MYO10: variants seen among roughly 807,000 people sequenced by gnomAD.
MYO10 encodes the protein myosin X.
In MYO10, 133 loss-of-function variants were observed where a neutral mutation model predicts 257.3. The ratio of observed to expected loss-of-function variants is 0.52; its 90% confidence interval spans 0.45 to 0.60. The LOEUF is 0.60. Among genes scored for constraint, MYO10 ranks in the 20% least tolerant of loss-of-function variants. MYO10 has a pLI of 0.00. For synonymous variants in MYO10, 1,104 were observed against 1,028.6 expected (o/e 1.07, Z -1.40); for missense variants, 2,399 against 2,635.7 (o/e 0.91, Z 1.97).
At chr5:16,927,663 A>T (rs578129748) in intron 1 of MYO10, among the ~76,000 whole-genome samples, 2 of 152,250 alleles carry the variant, frequency 1.3e-5, no homozygotes, top group African/African-American at 4.8e-5. Context: ...TACGGAGGCA[A>T]TTTTAATCCT....
chr5:16,707,877 G>C (rs938075693), intron 21 of MYO10, among the ~76,000 whole-genome samples: 3 of 152,224 alleles, frequency 2.0e-5, no homozygotes, highest in Non-Finnish European at 4.4e-5. Context: ...AAGTCAGCCA[G>C]TTCAGACCTG....
At chr5:16,683,833 C>A (rs751895638) in intron 30 of MYO10, 47 bp downstream of exon 30, 25 of 1,571,134 alleles carry the variant, frequency 1.6e-5, no homozygotes, top group Non-Finnish European at 1.8e-5. Flanking sequence ...CCTGTGGACA[C>A]ACACAGGTGA....
At chr5:16,863,663 C>T (rs1328153503) in intron 2 of MYO10, among the ~76,000 whole-genome samples, 1 of 152,224 alleles carries the variant, frequency 6.6e-6, no homozygotes, top group Non-Finnish European at 1.5e-5. Context: ...ACTCAACACT[C>T]ACCCCGAGAG....
Position 16,662,223 on chromosome 5 carries a change from C to A in MYO10, c.*4469G>T, listed in dbSNP as rs1017675220. On this transcript the variant is annotated 3_prime_UTR_variant, in exon 41 of 41. Transcript: ENST00000513610. Reference sequence around the variant, plus strand: ...ATACCCAATACACACAAATACAGAACTTTACTATAGCAGATTTTTGACCCC... The same window carrying A: ...ATACCCAATACACACAAATACAGAAATTTACTATAGCAGATTTTTGACCCC... 2.0e-5 allele frequency: 3 copies of A among 150,730 alleles called. No homozygotes were observed. Among genetic ancestry groups the A allele is most frequent in the Admixed American group, 2.0e-4 (3 of 15,092 alleles). 9.3% of individuals were successfully genotyped at this position (150,730 alleles called of 1,614,324 possible). A position where few individuals can be genotyped will look rare whatever the true frequency, so the allele number is the denominator to read the frequency against.
At chr5:16,867,425 C>T (rs1744310553) in intron 2 of MYO10, among the ~76,000 whole-genome samples, 1 of 151,974 alleles carries the variant, frequency 6.6e-6, no homozygotes, top group Non-Finnish European at 1.5e-5. Flanking sequence ...AGGTCGCCTA[C>T]ATCCACAAGG....
chr5:16,831,236 T>A (rs1221584201), intron 2 of MYO10, among the ~76,000 whole-genome samples: 2 of 152,300 alleles, frequency 1.3e-5, no homozygotes, highest in East Asian at 3.9e-4. Flanking sequence ...TTGTCATGGA[T>A]GCGGTGAACA....
chr5:16,855,536 G>T (rs1360923178), intron 2 of MYO10, among the ~76,000 whole-genome samples: 1 of 152,218 alleles, frequency 6.6e-6, no homozygotes, highest in Non-Finnish European at 1.5e-5. Flanking sequence ...TGAAATAGCT[G>T]CAAATTTTAA....
In MYO10 at chr5:16,781,810, C is replaced by T. The variant is rs1741433601; in HGVS notation, c.622G>A (p.Gly208Ser). 1.2e-6 allele frequency: 2 copies of T among 1,613,910 alleles called. No homozygotes were observed. The highest frequency in any genetic ancestry group is 1.6e-4 in the Middle Eastern group (1 of 6,062). Residue 208 changes from glycine to serine, a missense_variant, in exon 6 of 41, where the codon GGC becomes AGC. Physicochemically the swap from Gly to Ser is moderately conservative, Grantham distance 56. Around this residue, in one of 3 missense-constraint regions of MYO10, gnomAD observed 337 missense variants for 446.8 expected, o/e 0.75. Transcript: ENST00000513610. ...LESSPIMEAF[G>S]NAKTVYNNNS... The stretch of plus-strand genomic sequence containing the variant: ...TTGTTGTACACGGTCTTCGCATTGC[C>T]GAAAGCTTCCATGATGGGGCTGTGA...
intron 12 of MYO10, among the ~76,000 whole-genome samples, 193 bp downstream of exon 12, chr5:16,764,057 A>C (rs1740797354): frequency 6.6e-6 from 1 of 151,948 alleles, no homozygotes; most frequent in South Asian, 2.1e-4. Context: ...CTGAGGTGGG[A>C]GAATCACTTG....
At chr5:16,864,312 T>C (rs1404507955) in intron 2 of MYO10, among the ~76,000 whole-genome samples, 2 of 152,132 alleles carry the variant, frequency 1.3e-5, no homozygotes, top group African/African-American at 4.8e-5. Context: ...CAGTGTTCAT[T>C]ATAAGGGGCC....
intron 2 of MYO10, among the ~76,000 whole-genome samples, chr5:16,834,439 T>C (rs1643286942): frequency 6.6e-6 from 1 of 152,068 alleles, no homozygotes; most frequent in Non-Finnish European, 1.5e-5. Context: ...GAGGACCCCC[T>C]CTCACCACCC....
chr5:16,796,033 CA>C (rs1360805169), intron 3 of MYO10, among the ~76,000 whole-genome samples: 2 of 151,340 alleles, frequency 1.3e-5, no homozygotes, highest in South Asian at 2.1e-4. Context: ...ACTAAAAATA[CA>C]AAAAATTAGC....
chr5:16,903,102 G>A (rs1310963716), intron 1 of MYO10, among the ~76,000 whole-genome samples: 1 of 152,194 alleles, frequency 6.6e-6, no homozygotes, highest in East Asian at 1.9e-4. Context: ...AACACCCTGT[G>A]AGTGAGTAAC....
intron 19 of MYO10, among the ~76,000 whole-genome samples, chr5:16,740,687 T>C (rs1739986915): frequency 6.6e-6 from 1 of 151,984 alleles, no homozygotes; most frequent in African/African-American, 2.4e-5. Context: ...ATTCCAGCCC[T>C]CTCGCAAGCA....
intron 1 of MYO10, among the ~76,000 whole-genome samples, chr5:16,923,914 A>C (rs2434962): frequency 0.48 from 72,623 of 151,850 alleles, 17,761 homozygotes; most frequent in African/African-American, 0.56. Context: ...AAACAAGGAG[A>C]CCTCATCTCT....
intron 32 of MYO10, 102 bp from the exon 33 acceptor site, chr5:16,680,206 T>A: frequency 7.4e-7 from 1 of 1,355,318 alleles, no homozygotes; most frequent in Non-Finnish European, 1.0e-6. Context: ...AATTATTCAA[T>A]TCAATAGACA....
Position 16,874,356 on chromosome 5 carries a change from GGGGT to G in MYO10, c.120+3249_120+3252del, listed in dbSNP as rs1385001030. ...CTAAAAAAAAAAGCGGGGGGGGGGG[GGGGT>G]TTCTTTTCTATCACATAGTCAGGCT... On this transcript the variant is annotated intron_variant, in intron 2 of 40. Coordinates refer to ENST00000513610, the MANE Select transcript of MYO10 (RefSeq NM_012334.3). 2.8e-3 allele frequency among the ~76,000 whole-genome samples: 288 copies of G among 101,386 alleles called. 13 individuals are homozygous for G. The highest frequency in any genetic ancestry group is 4.7e-3 in the Middle Eastern group (1 of 214). 66.5% of individuals were successfully genotyped at this position (101,386 alleles called of 152,430 possible).
Position 16,762,087 on chromosome 5 carries a change from T to C in MYO10, c.1614A>G (p.Arg538=), listed in dbSNP as rs771930019. ...TCACTCCAAAATTGTTAACTGCAAC[T>C]CTGGGCTTCACATAAAAGTGGTTAT... ...HANNHFYVKP[R]VAVNNFGVKH... Residue 538 remains arginine, a synonymous_variant, in exon 16 of 41, where the codon AGA becomes AGG. Coordinates refer to ENST00000513610, the MANE Select transcript of MYO10 (RefSeq NM_012334.3). The C allele has an allele frequency of 8.2e-7, 1 of 1,222,170 alleles. No individual in the cohort carries two copies. Among genetic ancestry groups the C allele is most frequent in the Non-Finnish European group, 1.1e-6 (1 of 900,912 alleles). The allele number at this position is 1,222,170 out of a possible 1,614,324, so 75.7% of individuals were successfully genotyped here.
In MYO10 at chr5:16,811,962, C is replaced by G. The variant is rs181211853; in HGVS notation, c.279+6047G>C. 5.2e-3 allele frequency among the ~76,000 whole-genome samples: 791 copies of G among 152,296 alleles called. 17 individuals carry two copies. Among genetic ancestry groups the G allele is most frequent in the Admixed American group, 0.044 (674 of 15,302 alleles). ...ATGTCTCTGTACCACAAACACATAC[C>G]CTGCTCCTCCTCTCCTTAGCGGGTA... On this transcript the variant is annotated intron_variant, in intron 3 of 40. Coordinates refer to ENST00000513610, the MANE Select transcript of MYO10 (RefSeq NM_012334.3).
Sources: gnomAD v4.1 joint callset for allele counts (sites outside exome capture counted in the v4.1 genomes callset) on GRCh38, gnomAD v4.1.1 for gene constraint, gnomAD v4.1.1 regional missense constraint, MANE v1.5 for transcripts, NCBI Gene and HGNC (gene_info 2026-07-23, HGNC 2026-07-21) for gene names.